The following PHACTR4 variants were observed in gnomAD, a reference collection of about 807,000 sequenced individuals.
The protein encoded by PHACTR4 is phosphatase and actin regulator 4, also known as protein phosphatase 1, regulatory subunit 124.
Under a neutral mutation model 72.7 loss-of-function variants are expected in PHACTR4, and 51 were observed. The observed-to-expected ratio is 0.70, with a 90% CI of 0.56 to 0.89. The LOEUF is 0.89. Among genes scored for constraint, PHACTR4 ranks in the 40% least tolerant of loss-of-function variants. PHACTR4 has a pLI of 0.00. For missense variants in PHACTR4, 731 were observed against 861.8 expected (o/e 0.85, Z 1.90); for synonymous variants, 255 against 302.5 (o/e 0.84, Z 1.63).
chr1:28,378,907 T>C (rs1651917071), intron 1 of PHACTR4, among the ~76,000 whole-genome samples: 1 of 152,172 alleles, frequency 6.6e-6, no homozygotes. Flanking sequence ...ATTACTGTTA[T>C]TACCCAGGCA....
Position 28,465,742 on chromosome 1 carries a change from C to T in PHACTR4, c.329C>T (p.Pro110Leu), listed in dbSNP as rs1442686399. ...DAMLKNGHTT[P>L]IGNARSSSPV... ...ATGTTAAAGAATGGCCATACCACCCCCATAGGGAATGCCAGATCATCTAGT... is the reference window on the plus strand; with the variant it reads ...ATGTTAAAGAATGGCCATACCACCCTCATAGGGAATGCCAGATCATCTAGT... The change falls in exon 5 of 14, where the codon CCC becomes CTC. Residue 110 changes from proline to leucine, a missense_variant. Pro to Leu is a moderately conservative substitution (Grantham distance 98, BLOSUM62 -3). Coordinates refer to ENST00000373839, the MANE Select transcript of PHACTR4 (RefSeq NM_001048183.3). The T allele has an allele frequency of 6.2e-7, 1 of 1,613,992 alleles. No homozygotes were observed. The highest frequency in any genetic ancestry group is 8.5e-7 in the Non-Finnish European group (1 of 1,179,954).
At chr1:28,475,471 G>C (rs776337729) in intron 7 of PHACTR4, among the ~76,000 whole-genome samples, 1 of 152,138 alleles carries the variant, frequency 6.6e-6, no homozygotes, top group Non-Finnish European at 1.5e-5. Context: ...GTAGTGTTAA[G>C]TTACTGAAGC....
At chr1:28,375,027 G>A (rs976682101) in intron 1 of PHACTR4, among the ~76,000 whole-genome samples, 1 of 152,182 alleles carries the variant, frequency 6.6e-6, no homozygotes, top group Non-Finnish European at 1.5e-5. Context: ...GGCCCAGCAC[G>A]GTGGCTCACG....
chr1:28,433,217 C>G (rs368388633), intron 2 of PHACTR4, among the ~76,000 whole-genome samples: 2 of 152,250 alleles, frequency 1.3e-5, no homozygotes, highest in Admixed American at 6.5e-5. Context: ...TAAAGTGATT[C>G]TTCCTTTTAC....
chr1:28,470,318 A>G (rs1403682584), intron 6 of PHACTR4, among the ~76,000 whole-genome samples: 2 of 152,018 alleles, frequency 1.3e-5, no homozygotes, highest in Non-Finnish European at 2.9e-5. Flanking sequence ...GGGTAAGCAC[A>G]GGAGTTCAAG....
chr1:28,446,011 A>AG (rs1557819622), intron 2 of PHACTR4, among the ~76,000 whole-genome samples: 2 of 152,052 alleles, frequency 1.3e-5, no homozygotes, highest in African/African-American at 4.8e-5. Context: ...TGGAGTAAAT[A>AG]ATAGGTTAAT....
At position 28,476,166 on chromosome 1, in the gene PHACTR4, C is replaced by T. The variant is rs781082063; in HGVS notation, c.1481C>T (p.Thr494Ile). 1 of 1,613,770 alleles carries T rather than the reference C, an allele frequency of 6.2e-7. No homozygotes were observed. The highest frequency in any genetic ancestry group is 1.7e-5 in the Admixed American group (1 of 59,960). Residue 494 changes from threonine to isoleucine, a missense_variant, in exon 8 of 14, where the codon ACA (threonine) becomes ATA (isoleucine). Thr to Ile is a moderately conservative substitution (Grantham distance 89). This residue lies in a region of PHACTR4 where 621 missense variants were observed against 676.6 expected (regional missense o/e 0.92). Coordinates refer to ENST00000373839, the MANE Select transcript of PHACTR4 (RefSeq NM_001048183.3). ...TCPSTFSEEM[T>I]PTSVIPKLPQ... The stretch of plus-strand genomic sequence containing the variant: ...CCATCCACATTCAGTGAAGAAATGA[C>T]ACCTACCTCAGTCATTCCTAAATTA...
chr1:28,459,272 G>T lies in PHACTR4; in HGVS notation c.190+14G>T, dbSNP rs1346797168. 1.2e-6 allele frequency: 2 copies of T among 1,602,728 alleles called. No homozygotes were observed. Among genetic ancestry groups the T allele is most frequent in the South Asian group, 2.2e-5 (2 of 90,686 alleles). ...AGACTTCAGAAGGTGAGATATTAAG[G>T]GTTAAATGTGTGTTCTGAGTTAGAA... On this transcript the variant is annotated intron_variant, in intron 3 of 13. Coordinates refer to ENST00000373839, the MANE Select transcript of PHACTR4 (RefSeq NM_001048183.3).
intron 1 of PHACTR4, among the ~76,000 whole-genome samples, chr1:28,391,606 T>A (rs1251299347): frequency 3.5e-5 from 5 of 144,432 alleles, no homozygotes; most frequent in African/African-American, 1.3e-4. Context: ...ATTCTTTTTT[T>A]TTTTTTTTTT....
chr1:28,470,537 C>A (rs923631611), intron 6 of PHACTR4, among the ~76,000 whole-genome samples: 5 of 150,388 alleles, frequency 3.3e-5, no homozygotes, highest in South Asian at 4.2e-4. Context: ...AAAAATACCC[C>A]CCCCAAAAAT....
At chr1:28,392,043 A>G (rs12132064) in intron 1 of PHACTR4, among the ~76,000 whole-genome samples, 39,476 of 152,084 alleles carry the variant, frequency 0.26, 5,274 homozygotes, top group Middle Eastern at 0.34. Flanking sequence ...CACATACAGT[A>G]GCGCTCCCCC....
At chr1:28,410,827 C>G (rs758310057) in intron 2 of PHACTR4, among the ~76,000 whole-genome samples, 1 of 152,076 alleles carries the variant, frequency 6.6e-6, no homozygotes, top group Non-Finnish European at 1.5e-5. Flanking sequence ...CTGCCTCAGC[C>G]TCCTGAGTAG....
At chr1:28,435,368 G>A (rs1312788302) in intron 2 of PHACTR4, among the ~76,000 whole-genome samples, 1 of 152,146 alleles carries the variant, frequency 6.6e-6, no homozygotes, top group African/African-American at 2.4e-5. Context: ...GAGTTCAAGC[G>A]ATTCTCACGC....
intron 1 of PHACTR4, among the ~76,000 whole-genome samples, chr1:28,402,364 T>C (rs1654006763): frequency 6.6e-6 from 1 of 152,150 alleles, no homozygotes; most frequent in Non-Finnish European, 1.5e-5. Context: ...TTGAGTATGC[T>C]GTAGATATAT....
rs1267443907 is a variant in PHACTR4, at chr1:28,498,648, G to A, written c.*2099G>A. The stretch of plus-strand genomic sequence containing the variant: ...TTCCCTTCACTTTAATGTTCAAGAA[G>A]TTGTGGCTATTTCATAGATTTCTTC... On this transcript the variant is annotated 3_prime_UTR_variant, in exon 14 of 14. Coordinates refer to ENST00000373839, the MANE Select transcript of PHACTR4 (RefSeq NM_001048183.3). 1 of 152,096 alleles carries A rather than the reference G, an allele frequency of 6.6e-6. No individual in the cohort carries two copies. The highest frequency in any genetic ancestry group is 1.5e-5 in the Non-Finnish European group (1 of 68,028). 9.4% of individuals were successfully genotyped at this position (152,096 alleles called of 1,614,324 possible).
intron 1 of PHACTR4, among the ~76,000 whole-genome samples, chr1:28,372,199 A>G (rs1171124133): frequency 2.0e-5 from 3 of 152,036 alleles, no homozygotes; most frequent in Non-Finnish European, 4.4e-5. Flanking sequence ...AAAAATTCTA[A>G]AGAAGGTCAT....
intron 1 of PHACTR4, among the ~76,000 whole-genome samples, chr1:28,381,008 ATT>A (rs201429851): frequency 0.39 from 55,412 of 142,400 alleles, 11,997 homozygotes; most frequent in African/African-American, 0.6. Flanking sequence ...TATTTTTTGA[ATT>A]TTTTTTTTTT....
chr1:28,428,634 A>C (rs745899327), intron 2 of PHACTR4, among the ~76,000 whole-genome samples: 1 of 152,208 alleles, frequency 6.6e-6, no homozygotes, highest in African/African-American at 2.4e-5. Flanking sequence ...ACCATTATTG[A>C]GAGAAGAAGA....
intron 1 of PHACTR4, among the ~76,000 whole-genome samples, chr1:28,371,510 G>C (rs753948030): frequency 8.5e-5 from 13 of 152,090 alleles, no homozygotes; most frequent in East Asian, 1.9e-4. Context: ...AGCCAGGCTG[G>C]CCTTGAACTC....
Sources: gnomAD v4.1 joint callset for allele counts (sites outside exome capture counted in the v4.1 genomes callset) on GRCh38, gnomAD v4.1.1 for gene constraint, gnomAD v4.1.1 regional missense constraint, MANE v1.5 for transcripts, NCBI Gene and HGNC (gene_info 2026-07-23, HGNC 2026-07-21) for gene names.